Variants in ARHGAP32 observed in about 807,000 individuals in gnomAD.
The protein encoded by ARHGAP32 is rho GTPase-activating protein 32.
In ARHGAP32, 51 loss-of-function variants were observed where a neutral mutation model predicts 186.5. The observed-to-expected ratio is 0.27, with a 90% confidence interval of 0.22 to 0.35. ARHGAP32 has a LOEUF of 0.35. ARHGAP32 is among the 10% of genes least tolerant of loss of function. The pLI, the probability that ARHGAP32 is intolerant of heterozygous loss-of-function variation, is 1.00. For missense variants in ARHGAP32, 2,186 were observed against 2,623.5 expected, an observed-to-expected ratio of 0.83 and a Z score of 3.64; for synonymous variants, 950 against 964.3, an observed-to-expected ratio of 0.99 and a Z score of 0.27.
intron 1 of ARHGAP32, among the ~76,000 whole-genome samples, chr11:129,227,654 GA>G (rs1156735800): frequency 6.6e-6 from 1 of 151,890 alleles, no homozygotes; most frequent in Non-Finnish European, 1.5e-5. Context: ...AAGACTTTAA[GA>G]AAAAAACTGT....
intron 1 of ARHGAP32, among the ~76,000 whole-genome samples, chr11:129,257,120 T>A (rs1945264464): frequency 6.6e-6 from 1 of 152,206 alleles, no homozygotes; most frequent in Non-Finnish European, 1.5e-5. Context: ...AAAAGCTTTG[T>A]GTTTTGCTTC....
At chr11:129,023,831 T>G in intron 11 of ARHGAP32, 2 of 933,476 alleles carry the variant, frequency 2.1e-6, no homozygotes, top group South Asian at 9.9e-5. Flanking sequence ...GAGTCAAATA[T>G]TTAAATGACT....
At chr11:129,189,161 G>A (rs1293610003) in intron 1 of ARHGAP32, among the ~76,000 whole-genome samples, 2 of 152,218 alleles carry the variant, frequency 1.3e-5, no homozygotes, top group East Asian at 3.9e-4. Context: ...CCTCTTATAA[G>A]TTATCACTTA....
chr11:129,189,157 A>G (rs989242619), intron 1 of ARHGAP32, among the ~76,000 whole-genome samples: 2 of 152,356 alleles, frequency 1.3e-5, no homozygotes, highest in South Asian at 2.1e-4. Flanking sequence ...GTAGCCTCTT[A>G]TAAGTTATCA....
At chr11:129,047,083 G>A (rs983380063) in intron 10 of ARHGAP32, among the ~76,000 whole-genome samples, 3 of 149,984 alleles carry the variant, frequency 2.0e-5, no homozygotes, top group South Asian at 4.2e-4. Context: ...AGCAGATATC[G>A]AGCCACTGCA....
chr11:129,266,050 CA>C (rs1945395890), intron 1 of ARHGAP32, among the ~76,000 whole-genome samples: 1 of 151,780 alleles, frequency 6.6e-6, no homozygotes, highest in Admixed American at 6.6e-5. Context: ...AACAATGTAA[CA>C]AAATTTGGGA....
chr11:129,116,019 G>A (rs888385031), intron 5 of ARHGAP32, among the ~76,000 whole-genome samples: 3 of 152,020 alleles, frequency 2.0e-5, no homozygotes, highest in Non-Finnish European at 2.9e-5. Flanking sequence ...ATCACTTTAT[G>A]GAGAACCAGG....
At chr11:129,223,971 A>G (rs11221611) in intron 1 of ARHGAP32, among the ~76,000 whole-genome samples, 3,393 of 152,338 alleles carry the variant, frequency 0.022, 72 homozygotes, top group African/African-American at 0.051. Context: ...AAATAAAAAG[A>G]TACCAACTCA....
intron 12 of ARHGAP32, among the ~76,000 whole-genome samples, chr11:128,991,158 ATT>A (rs1299990493): frequency 6.6e-6 from 1 of 152,218 alleles, no homozygotes; most frequent in African/African-American, 2.4e-5. Context: ...GTAGGAAAAC[ATT>A]GAAAATATGG....
In ARHGAP32 at chr11:129,064,031, C is replaced by T. The variant is rs377039080; in HGVS notation, c.763-7G>A. 7 of 1,600,674 alleles carry T rather than the reference C, an allele frequency of 4.4e-6. No individual in the cohort carries two copies. Among genetic ancestry groups the T allele is most frequent in the Non-Finnish European group, 6.0e-6 (7 of 1,175,108 alleles). ...GATTTCCCTTATTATCAATCTATCA[C>T]AAAGAAAATGTACTATGAGATAAAG... On this transcript the variant is annotated splice_region_variant and splice_polypyrimidine_tract_variant and intron_variant, in intron 8 of 22. Transcript: ENST00000682385.
At chr11:129,047,591 A>G (rs1246611731) in intron 10 of ARHGAP32, among the ~76,000 whole-genome samples, 1 of 152,088 alleles carries the variant, frequency 6.6e-6, no homozygotes, top group East Asian at 1.9e-4. Flanking sequence ...ATTCACTACC[A>G]TACTTGCATG....
rs561052285 is a variant in ARHGAP32, at chr11:129,098,655, G to A, written c.445-4948C>T. On this transcript the variant is annotated intron_variant, in intron 5 of 22. Coordinates refer to ENST00000682385, the MANE Select transcript of ARHGAP32 (RefSeq NM_001378024.1). ...AGGATGGTCTTGATCTCCTGACCCCGTGATCCACCCGCCTCGGCCTCCCAA... is the reference window on the plus strand; with the variant it reads ...AGGATGGTCTTGATCTCCTGACCCCATGATCCACCCGCCTCGGCCTCCCAA... Among the ~76,000 whole-genome samples, 9 of 152,088 alleles carry A rather than the reference G, an allele frequency of 5.9e-5. No individual in the cohort carries two copies. The South Asian group carries it at 1.0e-3, about 18-fold the overall frequency.
At chr11:128,980,406 T>C in intron 18 of ARHGAP32, 147 bp downstream of exon 18, 4 of 559,260 alleles carry the variant, frequency 7.2e-6, no homozygotes, top group Non-Finnish European at 9.2e-6. Context: ...GTAAGTATCA[T>C]CCATATTCGA....
At chr11:129,145,952 A>C (rs1444763658) in intron 2 of ARHGAP32, among the ~76,000 whole-genome samples, 1 of 152,154 alleles carries the variant, frequency 6.6e-6, no homozygotes, top group Non-Finnish European at 1.5e-5. Context: ...GAAGAGCTCC[A>C]AACAAACTGG....
chr11:129,086,604 A>G (rs12224947), intron 6 of ARHGAP32, among the ~76,000 whole-genome samples: 7,677 of 152,024 alleles, frequency 0.05, 233 homozygotes, highest in African/African-American at 0.068. Context: ...GGCGGATCAC[A>G]AGGTCAGGAG....
intron 5 of ARHGAP32, among the ~76,000 whole-genome samples, chr11:129,107,364 T>C (rs893397457): frequency 6.6e-5 from 10 of 152,308 alleles, no homozygotes; most frequent in African/African-American, 2.4e-4. Flanking sequence ...CAGTAACTTG[T>C]AGCCATATGA....
chr11:129,148,110 C>T (rs1016002470), intron 2 of ARHGAP32, among the ~76,000 whole-genome samples: 3 of 152,194 alleles, frequency 2.0e-5, no homozygotes, highest in African/African-American at 4.8e-5. Flanking sequence ...ACAATGCTAA[C>T]GTGTAGCTCC....
rs536315593 is a variant in ARHGAP32, at chr11:129,268,218, A to G, written c.-5+10928T>C. ...GAAAATGAATCCATTGAGCCTAGAA[A>G]GAGAAAAGACTGGTGGGAAGATAAA... On this transcript the variant is annotated intron_variant, in intron 1 of 6. Coordinates refer to the ARHGAP32 transcript ENST00000525234. Among the ~76,000 whole-genome samples the G allele has an allele frequency of 3.3e-5, 5 of 152,320 alleles. 1 individual carries two copies. The South Asian group carries it at 1.0e-3, about 32-fold the overall frequency.
chr11:129,265,402 A>G (rs1436439961), intron 1 of ARHGAP32, among the ~76,000 whole-genome samples: 1 of 152,212 alleles, frequency 6.6e-6, no homozygotes, highest in Admixed American at 6.5e-5. Flanking sequence ...GTAATAGCAA[A>G]GAATCTGTTA....
Sources: gnomAD v4.1 joint callset for allele counts (sites outside exome capture counted in the v4.1 genomes callset) on GRCh38, gnomAD v4.1.1 for gene constraint, MANE v1.5 for transcripts, NCBI Gene and HGNC (gene_info 2026-07-23, HGNC 2026-07-21) for gene names.